Variants in AGBL4 observed in about 807,000 individuals in gnomAD.
AGBL4 encodes the protein cytosolic carboxypeptidase 6.
Under a neutral mutation model 66.4 loss-of-function variants are expected in AGBL4, and 58 were observed. The observed-to-expected ratio is 0.87, with a 90% confidence interval of 0.71 to 1.09. AGBL4 has a LOEUF of 1.09. Ranked by LOEUF, AGBL4 falls within the 50% of genes least tolerant of loss-of-function variation. The pLI, the probability that AGBL4 is intolerant of heterozygous loss-of-function variation, is 0.00. For missense variants in AGBL4, 579 were observed against 631.0 expected (o/e 0.92, Z 0.88); for synonymous variants, 234 against 222.9 (o/e 1.05, Z -0.44).
At chr1:49,917,022 G>A (rs937126390) in intron 1 of AGBL4, among the ~76,000 whole-genome samples, 2 of 152,146 alleles carry the variant, frequency 1.3e-5, no homozygotes, top group Non-Finnish European at 2.9e-5. Flanking sequence ...ATCCTTTACA[G>A]ACAAGCAAAT....
At chr1:49,440,145 C>T (rs766946466) in intron 3 of AGBL4, among the ~76,000 whole-genome samples, 4 of 150,154 alleles carry the variant, frequency 2.7e-5, no homozygotes, top group African/African-American at 4.9e-5. Flanking sequence ...TCTCTGCTCA[C>T]TGCAAGCTGT....
At chr1:49,093,812 C>T (rs1315605953) in intron 4 of AGBL4, among the ~76,000 whole-genome samples, 1 of 152,152 alleles carries the variant, frequency 6.6e-6, no homozygotes, top group East Asian at 1.9e-4. Context: ...ATTCAATATA[C>T]AATTTGCCTC....
At chr1:49,841,930 T>C in intron 2 of AGBL4, 2 of 617,688 alleles carry the variant, frequency 3.2e-6, no homozygotes, top group African/African-American at 1.9e-5. Context: ...AGTGAGAATC[T>C]CGGCCTCCTC....
At chr1:49,790,187 C>A (rs925226927) in intron 2 of AGBL4, among the ~76,000 whole-genome samples, 2 of 151,790 alleles carry the variant, frequency 1.3e-5, no homozygotes, top group South Asian at 2.1e-4. Context: ...GACCAGCCTG[C>A]CCTCACCCCC....
In AGBL4 at chr1:48,553,734, C is replaced by T. The variant is rs1416959579; in HGVS notation, c.1268-13996G>A. Among the ~76,000 whole-genome samples, 3 of 152,226 alleles carry T rather than the reference C, an allele frequency of 2.0e-5. No individual in the cohort carries two copies. The East Asian group carries it at 5.8e-4, about 29-fold the overall frequency. ...CAGCATCTTCTAAAATGTTAAGAAT[C>T]TCTGCTCTAGGTCTGTGGATAGAGA... On this transcript the variant is annotated intron_variant, in intron 11 of 13. Transcript: ENST00000371839.
chr1:49,137,903 C>T (rs1646043591), intron 4 of AGBL4, among the ~76,000 whole-genome samples: 2 of 152,036 alleles, frequency 1.3e-5, no homozygotes, highest in African/African-American at 4.8e-5. Flanking sequence ...TGATCTAATT[C>T]CTCAGTTGAG....
Position 48,950,132 on chromosome 1 carries a change from T to C in AGBL4, c.595-82902A>G, listed in dbSNP as rs1176540127. On this transcript the variant is annotated intron_variant, in intron 5 of 13. Transcript: ENST00000371839. ...TTTATTTTTGAGACATGTCTCACCC[T>C]GTCACTCAGGCTGGAGTGCAATGGT... 2.0e-5 allele frequency among the ~76,000 whole-genome samples: 3 copies of C among 152,328 alleles called. No homozygotes were observed. In the South Asian group the frequency reaches 6.2e-4, roughly 32 times the overall value.
chr1:49,920,153 C>T (rs1488272762), intron 1 of AGBL4, among the ~76,000 whole-genome samples: 2 of 152,198 alleles, frequency 1.3e-5, no homozygotes, highest in Non-Finnish European at 2.9e-5. Flanking sequence ...AAGACCTAGG[C>T]AATACCATTC....
At chr1:48,825,611 A>G (rs764440811) in intron 6 of AGBL4, among the ~76,000 whole-genome samples, 5 of 152,164 alleles carry the variant, frequency 3.3e-5, no homozygotes, top group Admixed American at 6.5e-5. Context: ...TAGGTATTTT[A>G]TTCGCTCATT....
chr1:49,913,327 A>G (rs925038146), intron 1 of AGBL4, among the ~76,000 whole-genome samples: 2 of 152,266 alleles, frequency 1.3e-5, no homozygotes, highest in Non-Finnish European at 2.9e-5. Flanking sequence ...GACAGGCAAG[A>G]ATAAAAGGGT....
intron 2 of AGBL4, among the ~76,000 whole-genome samples, chr1:49,795,939 T>G (rs1644719267): frequency 1.3e-5 from 2 of 151,922 alleles, no homozygotes; most frequent in East Asian, 1.9e-4. Context: ...ATCAATATAA[T>G]TGACTACATA....
chr1:48,606,890 G>A (rs1271269613), intron 9 of AGBL4, among the ~76,000 whole-genome samples: 1 of 152,184 alleles, frequency 6.6e-6, no homozygotes, highest in East Asian at 1.9e-4. Context: ...AAGATGGCAC[G>A]AGGAGGGGTC....
At chr1:49,354,369 T>C (rs893629433) in intron 3 of AGBL4, among the ~76,000 whole-genome samples, 4 of 152,248 alleles carry the variant, frequency 2.6e-5, no homozygotes, top group African/African-American at 9.6e-5. Flanking sequence ...ATTGAAAGGT[T>C]TTCTCATTTG....
intron 2 of AGBL4, among the ~76,000 whole-genome samples, chr1:49,713,547 T>C (rs1399956121): frequency 6.6e-6 from 1 of 152,032 alleles, no homozygotes; most frequent in Non-Finnish European, 1.5e-5. Context: ...CCAAGCAAAT[T>C]GTTTTATTCA....
chr1:49,896,766 A>C (rs1649263897), intron 1 of AGBL4, among the ~76,000 whole-genome samples: 3 of 151,974 alleles, frequency 2.0e-5, no homozygotes. Flanking sequence ...ATGCATGACC[A>C]AGTAGGATTT....
intron 8 of AGBL4, among the ~76,000 whole-genome samples, chr1:48,646,513 A>ATTAATGTGTGTGTG (rs761861992): frequency 2.3e-5 from 3 of 131,436 alleles, no homozygotes; most frequent in Non-Finnish European, 4.8e-5. Context: ...ACCAGTTATA[A>ATTAATGTGTGTGTG]TGTGTGTGTG....
chr1:49,605,693 A>AT (rs974796116), intron 3 of AGBL4, among the ~76,000 whole-genome samples: 2 of 152,028 alleles, frequency 1.3e-5, no homozygotes, highest in African/African-American at 2.4e-5. Flanking sequence ...GGATTTTTTT[A>AT]TTTTTTAAAA....
intron 5 of AGBL4, among the ~76,000 whole-genome samples, chr1:48,888,343 G>A (rs1557427594): frequency 6.6e-6 from 1 of 152,150 alleles, no homozygotes; most frequent in African/African-American, 2.4e-5. Flanking sequence ...TGCACATCCA[G>A]CTCTGGGTAT....
At chr1:49,111,696 C>T (rs181872813) in intron 4 of AGBL4, among the ~76,000 whole-genome samples, 2 of 152,230 alleles carry the variant, frequency 1.3e-5, no homozygotes, top group East Asian at 3.9e-4. Flanking sequence ...TCTCTCTTTA[C>T]CATCATATTA....
Sources: allele counts gnomAD v4.1 joint callset (sites outside exome capture counted in the v4.1 genomes callset), GRCh38; gene constraint gnomAD v4.1.1; transcripts MANE v1.5; gene names NCBI Gene and HGNC (gene_info 2026-07-23, HGNC 2026-07-21).